Variants in FIGN observed in about 807,000 individuals in gnomAD.
FIGN encodes the protein fidgetin, microtubule severing factor, also known as fidgetin.
A neutral mutation model predicts 51.3 loss-of-function variants in FIGN; 11 were observed. The ratio of observed to expected loss-of-function variants is 0.21; its 90% CI spans 0.13 to 0.35. FIGN has a LOEUF of 0.35. FIGN is among the 10% of genes least tolerant of loss of function. The pLI is 1.00. For synonymous variants in FIGN, 407 were observed against 363.2 expected (o/e 1.12, Z -1.37); for missense variants, 857 against 943.6 (o/e 0.91, Z 1.20).
chr2:163,614,163 A>G (rs1039238436), intron 2 of FIGN, among the ~76,000 whole-genome samples: 1 of 152,174 alleles, frequency 6.6e-6, no homozygotes, highest in African/African-American at 2.4e-5. Flanking sequence ...CTAAAGTGGT[A>G]TTCTTAATTA....
intron 2 of FIGN, among the ~76,000 whole-genome samples, chr2:163,622,486 G>C (rs1192714370): frequency 6.6e-6 from 1 of 152,014 alleles, no homozygotes; most frequent in Non-Finnish European, 1.5e-5. Flanking sequence ...CTTTAGTAAT[G>C]GGTAAGTAGC....
intron 2 of FIGN, among the ~76,000 whole-genome samples, chr2:163,685,063 G>C (rs1684125645): frequency 6.6e-6 from 1 of 151,898 alleles, no homozygotes; most frequent in Non-Finnish European, 1.5e-5. Flanking sequence ...GGGATTATAG[G>C]CGTGAGCTAC....
chr2:163,709,467 C>T (rs1461096636), intron 2 of FIGN, among the ~76,000 whole-genome samples: 3 of 152,170 alleles, frequency 2.0e-5, no homozygotes, highest in Non-Finnish European at 4.4e-5. Context: ...CAGCGACCTA[C>T]AGCCCAGGCC....
chr2:163,654,214 C>T (rs143182817), intron 2 of FIGN, among the ~76,000 whole-genome samples: 3 of 151,986 alleles, frequency 2.0e-5, no homozygotes, highest in East Asian at 3.8e-4. Flanking sequence ...GCTTGCATTT[C>T]GGAATCTTGG....
At chr2:163,694,035 C>G (rs997128173) in intron 2 of FIGN, among the ~76,000 whole-genome samples, 8 of 152,296 alleles carry the variant, frequency 5.3e-5, no homozygotes, top group Admixed American at 3.9e-4. Flanking sequence ...AGAGCTGGAG[C>G]ATCCAGCAGC....
At chr2:163,679,898 A>G (rs1417412733) in intron 2 of FIGN, among the ~76,000 whole-genome samples, 1 of 152,228 alleles carries the variant, frequency 6.6e-6, no homozygotes, top group Non-Finnish European at 1.5e-5. Flanking sequence ...ACTGGAATCA[A>G]CTTCCACATT....
intron 2 of FIGN, among the ~76,000 whole-genome samples, chr2:163,674,401 A>G (rs919874918): frequency 6.6e-6 from 1 of 152,236 alleles, no homozygotes; most frequent in Non-Finnish European, 1.5e-5. Context: ...CTTTCTAGAA[A>G]TGCTATTGCT....
chr2:163,611,047 T>C lies in FIGN; in HGVS notation c.785A>G (p.Tyr262Cys). The change falls in exon 3 of 3, where the codon TAC becomes TGC. Residue 262 changes from tyrosine (Y) to cysteine (C), a missense_variant. Coordinates refer to ENST00000333129, the MANE Select transcript of FIGN (RefSeq NM_018086.4). ...CGGAGGCGGTGCCCCCCCAGGGCTG[T>C]ACCCAGACCCCACAGCAGTCTGAGG... Reference protein sequence around the residue: ...YPPQTAVGSGYSPGGAPPPPS... With the variant: ...YPPQTAVGSGCSPGGAPPPPS... 1.2e-6 allele frequency: 2 copies of C among 1,613,950 alleles called. No individual in the cohort carries two copies. The highest frequency in any genetic ancestry group is 2.2e-5 in the East Asian group (1 of 44,854).
chr2:163,727,480 C>A (rs906512013), intron 2 of FIGN, among the ~76,000 whole-genome samples: 3 of 152,010 alleles, frequency 2.0e-5, no homozygotes, highest in African/African-American at 7.2e-5. Flanking sequence ...CATTAAAGTG[C>A]CTATCAGTGT....
At chr2:163,656,139 G>T (rs1187968899) in intron 2 of FIGN, among the ~76,000 whole-genome samples, 2 of 152,068 alleles carry the variant, frequency 1.3e-5, no homozygotes, top group Non-Finnish European at 2.9e-5. Flanking sequence ...TAAAATAAAT[G>T]AATCTTTAAG....
intron 2 of FIGN, among the ~76,000 whole-genome samples, chr2:163,623,446 C>T (rs1239473255): frequency 2.0e-5 from 3 of 151,956 alleles, no homozygotes; most frequent in Non-Finnish European, 4.4e-5. Context: ...AATTGAATAC[C>T]CATTTTTGGG....
At chr2:163,660,776 C>CATATACATATATATGTATACAG (rs1683647894) in intron 2 of FIGN, among the ~76,000 whole-genome samples, 1 of 83,926 alleles carries the variant, frequency 1.2e-5, no homozygotes, top group Non-Finnish European at 2.1e-5. Flanking sequence ...TATGTATACA[C>CATATACATATATATGTATACAG]ATATACATAT....
Position 163,637,222 on chromosome 2 carries a change from C to T in FIGN, c.26-25416G>A, listed in dbSNP as rs138692219. ...AAATGCAACAGTAGCAATCTAATTACAAACTCAAAACTAGCAATTGTTAAA... is the reference window on the plus strand; with the variant it reads ...AAATGCAACAGTAGCAATCTAATTATAAACTCAAAACTAGCAATTGTTAAA... On this transcript the variant is annotated intron_variant, in intron 2 of 2. Transcript: ENST00000333129. Among the ~76,000 whole-genome samples, 703 of 152,278 alleles carry T rather than the reference C, an allele frequency of 4.6e-3. 5 individuals carry two copies. The highest frequency in any genetic ancestry group is 0.016 in the African/African-American group (671 of 41,566).
intron 2 of FIGN, among the ~76,000 whole-genome samples, chr2:163,710,475 C>T (rs1419436695): frequency 2.0e-5 from 3 of 152,104 alleles, no homozygotes. Flanking sequence ...AATGCATTGG[C>T]CAACAAGAGA....
At chr2:163,688,787 T>C (rs1007012510) in intron 2 of FIGN, among the ~76,000 whole-genome samples, 3 of 152,120 alleles carry the variant, frequency 2.0e-5, no homozygotes, top group African/African-American at 7.2e-5. Context: ...AATTGGATAG[T>C]AAATATCAGA....
At chr2:163,678,232 C>G (rs1422521464) in intron 2 of FIGN, among the ~76,000 whole-genome samples, 1 of 150,194 alleles carries the variant, frequency 6.7e-6, no homozygotes, top group South Asian at 2.1e-4. Flanking sequence ...TTTCTTTTTT[C>G]TTTTGTGAGA....
At chr2:163,620,497 G>T (rs1465878743) in intron 2 of FIGN, among the ~76,000 whole-genome samples, 1 of 152,050 alleles carries the variant, frequency 6.6e-6, no homozygotes, top group Non-Finnish European at 1.5e-5. Context: ...AGGGATAAAT[G>T]GGGTTAACAC....
At chr2:163,711,758 T>G (rs2105357049) in intron 2 of FIGN, among the ~76,000 whole-genome samples, 1 of 152,224 alleles carries the variant, frequency 6.6e-6, no homozygotes, top group Admixed American at 6.5e-5. Flanking sequence ...TATTTCTACT[T>G]CCAGGAATTC....
rs553823701 is a variant in FIGN, at chr2:163,662,897, A to C, written c.26-51091T>G. 2.6e-5 allele frequency among the ~76,000 whole-genome samples: 4 copies of C among 151,958 alleles called. No individual in the cohort carries two copies. The South Asian group carries it at 8.3e-4, about 32-fold the overall frequency. On this transcript the variant is annotated intron_variant, in intron 2 of 2. Transcript: ENST00000333129. ...GGATTTCTGCTTTTGCTTCTTCCTC[A>C]TTTTTCTCTTGCTGCCACCACATAA... is the stretch of plus-strand genomic sequence containing the variant.
Sources: gnomAD v4.1 joint callset for allele counts (sites outside exome capture counted in the v4.1 genomes callset) on GRCh38, gnomAD v4.1.1 for gene constraint, MANE v1.5 for transcripts, NCBI Gene and HGNC (gene_info 2026-07-23, HGNC 2026-07-21) for gene names.